The following FAM135B variants were observed in gnomAD, a reference collection of about 807,000 sequenced individuals.
The protein encoded by FAM135B is family with sequence similarity 135 member B.
In FAM135B, 43 loss-of-function variants were observed where a neutral mutation model predicts 127.7. The ratio of observed to expected loss-of-function variants is 0.34; its 90% CI spans 0.26 to 0.43. The LOEUF is 0.43. Ranked by LOEUF, FAM135B falls within the 20% of genes least tolerant of loss-of-function variation. FAM135B has a pLI of 1.00. For missense variants in FAM135B, 1,558 were observed against 1,725.6 expected (o/e 0.90, Z 1.72); for synonymous variants, 670 against 665.1 (o/e 1.01, Z -0.11).
At chr8:138,429,125 G>A (rs569784030) in intron 1 of FAM135B, among the ~76,000 whole-genome samples, 8 of 152,208 alleles carry the variant, frequency 5.3e-5, no homozygotes, top group South Asian at 4.1e-4. Context: ...AGAGTATAAC[G>A]GGGCATTGGA....
intron 11 of FAM135B, 44 bp from the exon 12 acceptor site, chr8:138,168,093 G>C: frequency 6.4e-7 from 1 of 1,565,662 alleles, no homozygotes; most frequent in Non-Finnish European, 8.7e-7. Flanking sequence ...AAGAGTCAGA[G>C]GTTTCCAAAC....
At chr8:138,494,289 C>T (rs1815304421) in intron 1 of FAM135B, among the ~76,000 whole-genome samples, 1 of 152,230 alleles carries the variant, frequency 6.6e-6, no homozygotes, top group Non-Finnish European at 1.5e-5. Context: ...AAGTAAGGCT[C>T]ATTCACTCAT....
chr8:138,346,687 A>T (rs11782838), intron 2 of FAM135B, among the ~76,000 whole-genome samples: 2 of 151,816 alleles, frequency 1.3e-5, no homozygotes, highest in African/African-American at 2.4e-5. Context: ...GGTGACGGGG[A>T]GAATATCAGG....
Position 138,130,055 on chromosome 8 carries a change from C to T in FAM135B, c.*2538G>A, listed in dbSNP as rs111968868. ...CAATATTGGGCATTTTTATTTCTAACTCATTTTGGGAAACAACAAATCATA... is the reference window on the plus strand; with the variant it reads ...CAATATTGGGCATTTTTATTTCTAATTCATTTTGGGAAACAACAAATCATA... On this transcript the variant is annotated 3_prime_UTR_variant, in exon 20 of 20. Transcript: ENST00000395297. The T allele has an allele frequency of 1.1e-3, 167 of 152,162 alleles. No homozygotes were observed. The highest frequency in any genetic ancestry group is 3.4e-3 in the African/African-American group (143 of 41,520). The allele number at this position is 152,162 out of a possible 1,614,324, so 9.4% of individuals were successfully genotyped here. A position where few individuals can be genotyped will look rare whatever the true frequency, so the allele number is the denominator to read the frequency against.
At chr8:138,410,300 C>T (rs1346221944) in intron 1 of FAM135B, among the ~76,000 whole-genome samples, 1 of 152,166 alleles carries the variant, frequency 6.6e-6, no homozygotes, top group Non-Finnish European at 1.5e-5. Flanking sequence ...CAGGCTGCTT[C>T]TAAGATAGCC....
chr8:138,485,975 A>G (rs1466796264), intron 1 of FAM135B, among the ~76,000 whole-genome samples: 1 of 152,012 alleles, frequency 6.6e-6, no homozygotes, highest in Non-Finnish European at 1.5e-5. Flanking sequence ...TTTAGGGGTC[A>G]CCTACTTAGA....
At chr8:138,488,189 A>G (rs1815059072) in intron 1 of FAM135B, among the ~76,000 whole-genome samples, 1 of 152,154 alleles carries the variant, frequency 6.6e-6, no homozygotes, top group Admixed American at 6.5e-5. Context: ...ATTACTTTTT[A>G]AACGTAAAAG....
intron 1 of FAM135B, among the ~76,000 whole-genome samples, chr8:138,476,340 C>T (rs942726111): frequency 2.6e-5 from 4 of 151,998 alleles, no homozygotes; most frequent in African/African-American, 9.7e-5. Context: ...CCAAAGTGAA[C>T]CCTGATGTAA....
At chr8:138,378,570 T>C (rs1362645807) in intron 1 of FAM135B, among the ~76,000 whole-genome samples, 1 of 152,114 alleles carries the variant, frequency 6.6e-6, no homozygotes, top group Non-Finnish European at 1.5e-5. Flanking sequence ...AACTCTGAGG[T>C]TCTTCAGGGC....
At chr8:138,456,891 G>A (rs760220068) in intron 1 of FAM135B, among the ~76,000 whole-genome samples, 1 of 152,018 alleles carries the variant, frequency 6.6e-6, no homozygotes. Flanking sequence ...TCCTTTCCTG[G>A]AGTCATACCC....
intron 4 of FAM135B, 52 bp from the exon 5 acceptor site, chr8:138,256,811 TG>T: frequency 7.3e-7 from 1 of 1,376,620 alleles, no homozygotes; most frequent in Non-Finnish European, 1.0e-6. Flanking sequence ...CTTGTCCAAA[TG>T]AAATACTTAG....
chr8:138,140,842 T>G (rs1039580674), intron 17 of FAM135B, among the ~76,000 whole-genome samples: 3 of 152,324 alleles, frequency 2.0e-5, no homozygotes, highest in African/African-American at 7.2e-5. Context: ...CTCCCTCAAG[T>G]GTCCTGGTCA....
chr8:138,235,449 T>C (rs917478995), intron 7 of FAM135B, among the ~76,000 whole-genome samples: 1 of 152,220 alleles, frequency 6.6e-6, no homozygotes, highest in East Asian at 1.9e-4. Flanking sequence ...TGTTTAATGA[T>C]AATTATGCAT....
At chr8:138,410,389 G>A (rs923710528) in intron 1 of FAM135B, among the ~76,000 whole-genome samples, 5 of 152,104 alleles carry the variant, frequency 3.3e-5, no homozygotes, top group African/African-American at 1.2e-4. Context: ...GATCTCTCTT[G>A]CTTGGTCAGA....
At chr8:138,255,952 G>A (rs1037843941) in intron 5 of FAM135B, among the ~76,000 whole-genome samples, 1 of 152,164 alleles carries the variant, frequency 6.6e-6, no homozygotes, top group African/African-American at 2.4e-5. Context: ...ACCATGCCCT[G>A]TTCCTACACT....
At chr8:138,418,893 A>G (rs2131443080) in intron 1 of FAM135B, among the ~76,000 whole-genome samples, 1 of 152,084 alleles carries the variant, frequency 6.6e-6, no homozygotes, top group African/African-American at 2.4e-5. Flanking sequence ...ACAAAAAAAA[A>G]AAAAAAACAT....
chr8:138,191,319 A>C (rs1024064235), intron 9 of FAM135B, among the ~76,000 whole-genome samples: 1 of 152,222 alleles, frequency 6.6e-6, no homozygotes, highest in Non-Finnish European at 1.5e-5. Context: ...GAGGTGACAC[A>C]TAACGCAGGA....
intron 1 of FAM135B, among the ~76,000 whole-genome samples, chr8:138,406,848 A>T (rs925871436): frequency 9.3e-5 from 14 of 151,330 alleles, no homozygotes; most frequent in Non-Finnish European, 1.5e-4. Flanking sequence ...GAAAACTGGC[A>T]CAAGACAGGG....
At chr8:138,391,327 A>T (rs1366979568) in intron 1 of FAM135B, among the ~76,000 whole-genome samples, 1 of 151,922 alleles carries the variant, frequency 6.6e-6, no homozygotes, top group East Asian at 1.9e-4. Flanking sequence ...AGCCCCCAGG[A>T]CTGGCCTCTC....
Sources: gnomAD v4.1 joint callset for allele counts (sites outside exome capture counted in the v4.1 genomes callset) on GRCh38, gnomAD v4.1.1 for gene constraint, MANE v1.5 for transcripts, NCBI Gene and HGNC (gene_info 2026-07-23, HGNC 2026-07-21) for gene names.